Variants in LARP1B observed in about 807,000 individuals in gnomAD.
The protein encoded by LARP1B is la-related protein 1B.
LARP1B carries 76 observed loss-of-function variants against 114.2 expected under a neutral mutation model. The observed-to-expected ratio is 0.67, with a 90% CI of 0.55 to 0.81. The LOEUF is 0.81. Ranked by LOEUF, LARP1B falls within the 30% of genes least tolerant of loss-of-function variation. LARP1B has a pLI of 0.00. For missense variants in LARP1B, 1,014 were observed against 1,075.8 expected (o/e 0.94, Z 0.80); for synonymous variants, 345 against 348.0 (o/e 0.99, Z 0.10).
intron 1 of LARP1B, chr4:128,061,914 G>A: frequency 5.1e-6 from 5 of 985,230 alleles, no homozygotes; most frequent in South Asian, 4.7e-5. Flanking sequence ...CTGGGACGCA[G>A]CGTGCCCCAG....
intron 15 of LARP1B, among the ~76,000 whole-genome samples, chr4:128,194,051 T>A (rs1753170945): frequency 6.6e-6 from 1 of 152,132 alleles, no homozygotes; most frequent in African/African-American, 2.4e-5. Flanking sequence ...GATATTGTGT[T>A]GTGTATATTT....
intron 11 of LARP1B, among the ~76,000 whole-genome samples, chr4:128,136,335 AAC>A: frequency 2.0e-5 from 3 of 151,014 alleles, no homozygotes; most frequent in Admixed American, 6.6e-5. Flanking sequence ...AAAACAAAAA[AAC>A]AAAACAAAAA....
Position 128,209,884 on chromosome 4 carries a change from A to G in LARP1B, c.2576A>G (p.Lys859Arg). 1 of 1,614,042 alleles carries G rather than the reference A, an allele frequency of 6.2e-7. No individual in the cohort carries two copies. The highest frequency in any genetic ancestry group is 1.1e-5 in the South Asian group (1 of 91,074). ...CCTATTAGTGATGAATTTGGAAGAA[A>G]AAGACATTCCTCTACTTCTGGTGAG... is the stretch of plus-strand genomic sequence containing the variant. ...DPPISDEFGR[K>R]RHSSTSGEES... Residue 859 changes from lysine (K) to arginine (R), a missense_variant, in exon 20 of 20, where the codon AAA (lysine) becomes AGA (arginine). Coordinates refer to ENST00000326639, the MANE Select transcript of LARP1B (RefSeq NM_018078.4).
At chr4:128,107,477 G>T in intron 9 of LARP1B, 164 bp downstream of exon 9, 1 of 1,441,742 alleles carries the variant, frequency 6.9e-7, no homozygotes, top group Non-Finnish European at 9.1e-7. Context: ...CACTCACAGA[G>T]TTACAAATTA....
intron 11 of LARP1B, among the ~76,000 whole-genome samples, chr4:128,143,265 A>G (rs1480319479): frequency 6.6e-6 from 1 of 152,194 alleles, no homozygotes; most frequent in East Asian, 1.9e-4. Flanking sequence ...GTGACAGAGC[A>G]AGACTCCGTT....
At chr4:128,140,758 A>G (rs979934630) in intron 11 of LARP1B, among the ~76,000 whole-genome samples, 2 of 151,596 alleles carry the variant, frequency 1.3e-5, no homozygotes, top group African/African-American at 4.8e-5. Context: ...AAGCTGATTT[A>G]TTTACTTCTT....
At chr4:128,110,844 A>G (rs1440356024) in intron 9 of LARP1B, among the ~76,000 whole-genome samples, 4 of 151,796 alleles carry the variant, frequency 2.6e-5, no homozygotes, top group Non-Finnish European at 4.4e-5. Context: ...GTGTTGGCGA[A>G]TATATTGAAA....
At chr4:128,108,062 C>T (rs1173025393) in intron 9 of LARP1B, 2 of 1,458,714 alleles carry the variant, frequency 1.4e-6, no homozygotes, top group Admixed American at 2.6e-5. Flanking sequence ...GGAAGTTGGG[C>T]CAACACTGCA....
intron 15 of LARP1B, among the ~76,000 whole-genome samples, chr4:128,182,567 C>T (rs1315265198): frequency 1.3e-5 from 2 of 152,156 alleles, no homozygotes; most frequent in East Asian, 1.9e-4. Context: ...TTCTCCATCT[C>T]TCCCCCTCTT....
rs775264568 is a variant in LARP1B, at chr4:128,211,374, T to C, written c.*1321T>C. On this transcript the variant is annotated 3_prime_UTR_variant, in exon 20 of 20. Transcript: ENST00000326639. ...GAGCAGATTGGATATCTTGTTCTTA[T>C]AAATTATAATATTGAAATACATATA... is the stretch of plus-strand genomic sequence containing the variant. The C allele has an allele frequency of 2.1e-6, 2 of 935,002 alleles. No individual in the cohort carries two copies. Among genetic ancestry groups the C allele is most frequent in the Non-Finnish European group, 2.6e-6 (2 of 784,024 alleles). The allele number at this position is 935,002 out of a possible 1,614,324, so 57.9% of individuals were successfully genotyped here.
chr4:128,069,996 A>G (rs1343109094), intron 1 of LARP1B, among the ~76,000 whole-genome samples: 1 of 152,162 alleles, frequency 6.6e-6, no homozygotes, highest in Admixed American at 6.6e-5. Flanking sequence ...TCTCCTTACA[A>G]AAATGAAAAA....
chr4:128,112,073 C>T (rs925237785), intron 9 of LARP1B, among the ~76,000 whole-genome samples: 5 of 151,882 alleles, frequency 3.3e-5, no homozygotes, highest in Non-Finnish European at 7.4e-5. Flanking sequence ...TTTCCCATTC[C>T]TATAACTAGA....
chr4:128,178,638 T>TAA lies in LARP1B; in HGVS notation c.1894_1895dup (p.Ser633ArgfsTer16). 6.2e-7 allele frequency: 1 copy of TAA among 1,611,222 alleles called. No homozygotes were observed. The highest frequency in any genetic ancestry group is 8.5e-7 in the Non-Finnish European group (1 of 1,177,478). On this transcript the variant is annotated frameshift_variant, in exon 14 of 20. Transcript: ENST00000326639. LOFTEE classifies it high-confidence loss of function. The stretch of plus-strand genomic sequence containing the variant: ...GTTAAAGAACCAAAAGCCATTGATG[T>TAA]AAAGGTATACAAAACAACCAGGAAT...
chr4:128,136,005 C>T (rs1472368332), intron 11 of LARP1B, among the ~76,000 whole-genome samples: 2 of 151,822 alleles, frequency 1.3e-5, no homozygotes, highest in Non-Finnish European at 2.9e-5. Flanking sequence ...AAACTTAATA[C>T]ACATAGGCCA....
chr4:128,219,216 C>T (rs1450607458), intron 6 of LARP1B, among the ~76,000 whole-genome samples: 6 of 146,332 alleles, frequency 4.1e-5, no homozygotes, highest in Non-Finnish European at 9.1e-5. Context: ...ACTAGTTCAA[C>T]CATTGTGGAA....
At chr4:128,168,000 A>C (rs972087602) in intron 12 of LARP1B, among the ~76,000 whole-genome samples, 1 of 152,054 alleles carries the variant, frequency 6.6e-6, no homozygotes, top group Non-Finnish European at 1.5e-5. Flanking sequence ...GGATGTAAAC[A>C]GTTTATTTAT....
At chr4:128,142,151 G>T (rs1273481748) in intron 11 of LARP1B, among the ~76,000 whole-genome samples, 15 of 152,178 alleles carry the variant, frequency 9.9e-5, no homozygotes, top group Admixed American at 9.8e-4. Context: ...GAACCTGTCT[G>T]GCAAAGCCTG....
intron 11 of LARP1B, chr4:128,155,936 C>T (rs1735395423): frequency 1.3e-6 from 2 of 1,529,902 alleles, no homozygotes; most frequent in Non-Finnish European, 1.8e-6. Context: ...GAGGGGTACA[C>T]AGGCGGTACC....
intron 11 of LARP1B, among the ~76,000 whole-genome samples, chr4:128,153,472 A>G (rs1160878386): frequency 6.6e-6 from 1 of 151,722 alleles, no homozygotes; most frequent in East Asian, 1.9e-4. Context: ...CGCCTGGCTA[A>G]TTTTTGTACT....
Sources: gnomAD v4.1 joint callset for allele counts (sites outside exome capture counted in the v4.1 genomes callset) on GRCh38, gnomAD v4.1.1 for gene constraint, MANE v1.5 for transcripts, NCBI Gene and HGNC (gene_info 2026-07-23, HGNC 2026-07-21) for gene names.